The following PSMB6 variants were observed in gnomAD, a reference collection of about 807,000 sequenced individuals.
PSMB6 encodes the protein proteasome 20S subunit beta 6.
A neutral mutation model predicts 28.2 loss-of-function variants in PSMB6; 11 were observed. The observed-to-expected ratio is 0.39, with a 90% CI of 0.25 to 0.65. The LOEUF (loss-of-function observed/expected upper bound fraction) is 0.65, where lower values mean the gene tolerates loss of function less well. PSMB6 is among the 30% of genes least tolerant of loss of function. PSMB6 has a pLI of 0.48. For synonymous variants in PSMB6, 126 were observed against 117.7 expected (o/e 1.07, Z -0.45); for missense variants, 268 against 319.4 (o/e 0.84, Z 1.23).
Position 4,798,476 on chromosome 17 carries a change from A to T in PSMB6, c.*54A>T. On this transcript the variant is annotated 3_prime_UTR_variant, in exon 6 of 6. Transcript: ENST00000270586. ...ATGCCCTGTACTGATGCAAAATTTA[A>T]TAAAGTTTGTCACAGAGAATCTTTG... 6.5e-7 allele frequency: 1 copy of T among 1,543,582 alleles called. No homozygotes were observed. The highest frequency in any genetic ancestry group is 8.7e-7 in the Non-Finnish European group (1 of 1,143,208).
chr17:4,798,025 TG>T lies in PSMB6; in HGVS notation c.455del (p.Gly152ValfsTer2). ...QEGGQVYSVP[M>X]GGMMVRQSFA... ...ATCTGGCAGGTGTACTCAGTGCCTA[TG>T]GGGGGTATGATGGTAAGGCAGTCCT... On this transcript the variant is annotated frameshift_variant, in exon 5 of 6. Coordinates refer to ENST00000270586, the MANE Select transcript of PSMB6 (RefSeq NM_002798.3). LOFTEE classifies it high-confidence loss of function. 2 of 1,614,122 alleles carry T rather than the reference TG, an allele frequency of 1.2e-6. No homozygotes were observed. The highest frequency in any genetic ancestry group is 1.7e-6 in the Non-Finnish European group (2 of 1,180,000).
Position 4,797,782 on chromosome 17 carries a change from G to A in PSMB6, c.403G>A (p.Ala135Thr), listed in dbSNP as rs1450869965. The A allele has an allele frequency of 3.1e-6, 5 of 1,613,962 alleles. No individual in the cohort carries two copies. The African/African-American group carries it at 4.0e-5, about 13-fold the overall frequency. Residue 135 changes from alanine to threonine, a missense_variant, in exon 4 of 6, where the codon GCA becomes ACA. Ala to Thr is a moderately conservative substitution (Grantham distance 58). Coordinates refer to ENST00000270586, the MANE Select transcript of PSMB6 (RefSeq NM_002798.3). ...REDLMAGIIIAGWDPQEGGQV... is the reference protein window; with the variant it reads ...REDLMAGIIITGWDPQEGGQV... The stretch of plus-strand genomic sequence containing the variant: ...AGACCTGATGGCGGGAATCATCATC[G>A]CAGGCTGGGACCCTCAAGAAGGAGG...
rs747392338 is a variant in PSMB6, at chr17:4,797,994, CCTT to C, written c.433-12_433-10del. On this transcript the variant is annotated splice_polypyrimidine_tract_variant and intron_variant, in intron 4 of 5. Coordinates refer to ENST00000270586, the MANE Select transcript of PSMB6 (RefSeq NM_002798.3). ...GGAGGATACGACTGGTGACTCCTCT[CCTT>C]CTATCTGGCAGGTGTACTCAGTGCC... The C allele has an allele frequency of 1.1e-5, 18 of 1,613,892 alleles. No homozygotes were observed. The highest frequency in any genetic ancestry group is 1.6e-4 in the Middle Eastern group (1 of 6,082).
At chr17:4,797,187 T>C in intron 2 of PSMB6, 1 of 493,754 alleles carries the variant, frequency 2.0e-6, no homozygotes, top group Non-Finnish European at 3.5e-6. Flanking sequence ...TGGCGGTGCG[T>C]GCCTGCAGTC....
At chr17:4,797,988 T>C (rs369892591) in intron 4 of PSMB6, 21 bp from the exon 5 acceptor site, 21 of 1,613,904 alleles carry the variant, frequency 1.3e-5, no homozygotes, top group Non-Finnish European at 1.7e-5. Context: ...GACTGGTGAC[T>C]CCTCTCCTTC....
chr17:4,797,659 C>G (rs773039765), intron 3 of PSMB6, 23 bp from the exon 4 acceptor site: 1 of 1,611,604 alleles, frequency 6.2e-7, no homozygotes, highest in Non-Finnish European at 8.5e-7. Context: ...GAAACTTTCT[C>G]TGTGACTTCC....
chr17:4,796,674 T>G, intron 1 of PSMB6, 54 bp from the exon 2 acceptor site: 35 of 1,458,896 alleles, frequency 2.4e-5, no homozygotes, highest in South Asian at 3.4e-5. Flanking sequence ...GAGAGATCAT[T>G]GAGGTTTGTG....
Position 4,797,704 on chromosome 17 carries a change from C to T in PSMB6, c.325C>T (p.Leu109=), listed in dbSNP as rs1905381332. Residue 109 remains leucine, a synonymous_variant, in exon 4 of 6, where the codon CTG becomes TTG. Transcript: ENST00000270586. ...TAGCATTGAACTGAATGAGCCTCCA[C>T]TGGTCCACACAGCAGCCAGCCTCTT... is the stretch of plus-strand genomic sequence containing the variant. ...FHSIELNEPP[L]VHTAASLFKE... The T allele has an allele frequency of 6.2e-7, 1 of 1,614,022 alleles. No individual in the cohort carries two copies. The highest frequency in any genetic ancestry group is 1.3e-5 in the African/African-American group (1 of 74,906).
chr17:4,797,641 T>C (rs769406349), intron 3 of PSMB6, 41 bp from the exon 4 acceptor site: 3 of 1,609,398 alleles, frequency 1.9e-6, no homozygotes, highest in Non-Finnish European at 2.5e-6. Context: ...GCCTGACTTC[T>C]AGGTCTTGAA....
At chr17:4,796,359 C>T (rs543566915) in intron 1 of PSMB6, 63 bp downstream of exon 1, 3 of 1,327,606 alleles carry the variant, frequency 2.3e-6, no homozygotes, top group South Asian at 2.6e-5. Context: ...AAGATAAAGC[C>T]TGAGTGGGGT....
chr17:4,797,384 G>C (rs1905367550), intron 2 of PSMB6, 54 bp from the exon 3 acceptor site: 1 of 1,518,396 alleles, frequency 6.6e-7, no homozygotes, highest in Non-Finnish European at 8.8e-7. Context: ...GTAGTGATGG[G>C]ATGGAGGTGG....
At position 4,798,023 on chromosome 17, in the gene PSMB6, T is replaced by G; in HGVS notation, c.447T>G (p.Pro149=). The G allele has an allele frequency of 6.2e-7, 1 of 1,614,126 alleles. No individual in the cohort carries two copies. Among genetic ancestry groups the G allele is most frequent in the Non-Finnish European group, 8.5e-7 (1 of 1,180,016 alleles). ...CTATCTGGCAGGTGTACTCAGTGCC[T>G]ATGGGGGGTATGATGGTAAGGCAGT... ...PQEGGQVYSV[P]MGGMMVRQSF... is the part of the protein sequence containing the mutation. Residue 149 remains proline (P), a synonymous_variant, in exon 5 of 6, where the codon CCT becomes CCG. Coordinates refer to ENST00000270586, the MANE Select transcript of PSMB6 (RefSeq NM_002798.3).
In PSMB6 at chr17:4,797,989, C is replaced by T. The variant is rs766651910; in HGVS notation, c.433-20C>T. The T allele has an allele frequency of 1.2e-6, 2 of 1,613,918 alleles. No individual in the cohort carries two copies. The highest frequency in any genetic ancestry group is 2.2e-5 in the South Asian group (2 of 91,064). On this transcript the variant is annotated intron_variant, in intron 4 of 5. Coordinates refer to ENST00000270586, the MANE Select transcript of PSMB6 (RefSeq NM_002798.3). The stretch of plus-strand genomic sequence containing the variant: ...TGGAGGGAGGATACGACTGGTGACT[C>T]CTCTCCTTCTATCTGGCAGGTGTAC...
At chr17:4,796,610 A>G in intron 1 of PSMB6, 118 bp from the exon 2 acceptor site, 1 of 1,008,898 alleles carries the variant, frequency 9.9e-7, no homozygotes, top group Non-Finnish European at 1.6e-6. Context: ...AGGCCCCTAT[A>G]AGATTTGAAA....
At chr17:4,797,259 GAGCAGAGATCGCGTCACTGTACTC>G in intron 2 of PSMB6, 155 bp from the exon 3 acceptor site, 1 of 719,418 alleles carries the variant, frequency 1.4e-6, no homozygotes, top group East Asian at 2.8e-5. Flanking sequence ...ATGTTGCAGT[GAGCAGAGATCGCGTCACTGTACTC>G]CAGCCTGGGC....
At position 4,796,711 on chromosome 17, in the gene PSMB6, T is replaced by C. The variant is rs1217122808; in HGVS notation, c.103-17T>C. ...CTGCTGGAGAATGTAGACTTACTCC[T>C]TTTTCCCTTTTCCCAGACCACTATC... On this transcript the variant is annotated splice_polypyrimidine_tract_variant and intron_variant, in intron 1 of 5. Coordinates refer to ENST00000270586, the MANE Select transcript of PSMB6 (RefSeq NM_002798.3). 5.1e-6 allele frequency: 8 copies of C among 1,580,156 alleles called. No individual in the cohort carries two copies. Among genetic ancestry groups the C allele is most frequent in the Non-Finnish European group, 7.0e-6 (8 of 1,149,348 alleles).
chr17:4,796,709 C>T lies in PSMB6; in HGVS notation c.103-19C>T, dbSNP rs1008923436. 2 of 1,577,836 alleles carry T rather than the reference C, an allele frequency of 1.3e-6. No individual in the cohort carries two copies. The highest frequency in any genetic ancestry group is 1.1e-5 in the South Asian group (1 of 90,300). On this transcript the variant is annotated intron_variant, in intron 1 of 5. Transcript: ENST00000270586. Reference sequence around the variant, plus strand: ...GTCTGCTGGAGAATGTAGACTTACTCCTTTTTCCCTTTTCCCAGACCACTA... The same window carrying T: ...GTCTGCTGGAGAATGTAGACTTACTTCTTTTTCCCTTTTCCCAGACCACTA...
At chr17:4,797,411 T>C (rs976705715) in intron 2 of PSMB6, 27 bp from the exon 3 acceptor site, 2 of 1,533,366 alleles carry the variant, frequency 1.3e-6, no homozygotes, top group Non-Finnish European at 8.8e-7. Flanking sequence ...GGTGGGCTCC[T>C]TTCCTCACTA....
At chr17:4,797,635 G>A in intron 3 of PSMB6, 47 bp from the exon 4 acceptor site, 1 of 1,606,196 alleles carries the variant, frequency 6.2e-7, no homozygotes, top group East Asian at 2.2e-5. Flanking sequence ...TAAATAGCCT[G>A]ACTTCTAGGT....
Sources: allele counts gnomAD v4.1 joint callset, GRCh38; gene constraint gnomAD v4.1.1; transcripts MANE v1.5; gene names NCBI Gene and HGNC (gene_info 2026-07-23, HGNC 2026-07-21).